Variants in GABBR2 observed in about 807,000 individuals in gnomAD.
The protein encoded by GABBR2 is G-protein coupled receptor 51.
In GABBR2, 23 loss-of-function variants were observed where a neutral mutation model predicts 105.6. That is an observed-to-expected ratio of 0.22 (90% CI 0.16 to 0.31). The LOEUF (loss-of-function observed/expected upper bound fraction) is 0.31. Ranked by LOEUF, GABBR2 falls within the 10% of genes least tolerant of loss-of-function variation. The pLI, the probability that GABBR2 is intolerant of heterozygous loss-of-function variation, is 1.00. For missense variants in GABBR2, 734 were observed against 1,245.5 expected, an observed-to-expected ratio of 0.59 and a Z score of 6.18; for synonymous variants, 478 against 499.7, an observed-to-expected ratio of 0.96 and a Z score of 0.58.
chr9:98,622,814 T>A (rs1829687569), intron 1 of GABBR2, among the ~76,000 whole-genome samples: 3 of 152,210 alleles, frequency 2.0e-5, no homozygotes, highest in Admixed American at 2.0e-4. Context: ...CACTGCAAAC[T>A]TAGTGGCTTC....
At position 98,388,189 on chromosome 9, in the gene GABBR2, C is replaced by T. The variant is rs1795097299; in HGVS notation, c.1529+665G>A. Among the ~76,000 whole-genome samples, 1 of 152,244 alleles carries T rather than the reference C, an allele frequency of 6.6e-6. No individual in the cohort carries two copies. The highest frequency in any genetic ancestry group is 2.4e-5 in the African/African-American group (1 of 41,464). ...CAGAATAACTCAGTCAGCCTCTCTC[C>T]TCTGGAGAATTAAGGGCACGTGGTG... On this transcript the variant is annotated intron_variant, in intron 10 of 18. Coordinates refer to ENST00000259455, the MANE Select transcript of GABBR2 (RefSeq NM_005458.8). This position sits in a 1 kb window ranked among gnomAD's most constrained non-coding sequence, Gnocchi z 4.4.
intron 7 of GABBR2, among the ~76,000 whole-genome samples, chr9:98,447,150 C>A (rs943179916): frequency 3.5e-5 from 4 of 113,088 alleles, no homozygotes; most frequent in African/African-American, 1.3e-4. Context: ...CAAGCTCCGC[C>A]TCCCGGGTTC....
chr9:98,566,107 C>T (rs1008511865), intron 2 of GABBR2, among the ~76,000 whole-genome samples: 3 of 152,192 alleles, frequency 2.0e-5, no homozygotes, highest in Non-Finnish European at 4.4e-5. Flanking sequence ...AGAAGCAGGA[C>T]GAGAGCTGGC....
At chr9:98,373,557 G>C (rs1281258677) in intron 11 of GABBR2, among the ~76,000 whole-genome samples, 1 of 152,140 alleles carries the variant, frequency 6.6e-6, no homozygotes, top group Non-Finnish European at 1.5e-5. Flanking sequence ...CCTAGGAGCC[G>C]GATGTCAAAG....
At chr9:98,663,925 T>C (rs1462781095) in intron 1 of GABBR2, among the ~76,000 whole-genome samples, 1 of 152,188 alleles carries the variant, frequency 6.6e-6, no homozygotes, top group African/African-American at 2.4e-5. Flanking sequence ...GTTGATACTG[T>C]ACCCAGGGAC....
intron 1 of GABBR2, chr9:98,608,228 T>G: frequency 1.3e-6 from 1 of 748,860 alleles, no homozygotes; most frequent in South Asian, 1.7e-5. Context: ...GAGCCAGTTT[T>G]ATCTATAATG....
chr9:98,592,933 C>G (rs1343221766), intron 1 of GABBR2, among the ~76,000 whole-genome samples: 1 of 152,062 alleles, frequency 6.6e-6, no homozygotes, highest in African/African-American at 2.4e-5. Flanking sequence ...ATTTTTCAGT[C>G]CATAGGGAGT....
chr9:98,458,444 C>T (rs1826363766), intron 6 of GABBR2, among the ~76,000 whole-genome samples: 1 of 152,204 alleles, frequency 6.6e-6, no homozygotes, highest in Non-Finnish European at 1.5e-5. Flanking sequence ...TGTCCCACGC[C>T]TATAATCTCA....
In GABBR2 at chr9:98,651,528, G is replaced by A. The variant is rs186781371; in HGVS notation, c.321+56889C>T. Among the ~76,000 whole-genome samples, 29 of 152,148 alleles carry A rather than the reference G, an allele frequency of 1.9e-4. 1 individual carries two copies. The highest frequency in any genetic ancestry group is 1.2e-3 in the Admixed American group (19 of 15,278). On this transcript the variant is annotated intron_variant, in intron 1 of 18. Coordinates refer to ENST00000259455, the MANE Select transcript of GABBR2 (RefSeq NM_005458.8). ...TAGCTCACTGTAACCTCAAACTCTC[G>A]AACTCAAGCAATCCTCCTGTCCCAG...
At chr9:98,531,447 T>A (rs1828066023) in intron 3 of GABBR2, among the ~76,000 whole-genome samples, 1 of 152,210 alleles carries the variant, frequency 6.6e-6, no homozygotes, top group Non-Finnish European at 1.5e-5. Context: ...CTGAGCCAGA[T>A]AAAGGCATCC....
intron 1 of GABBR2, among the ~76,000 whole-genome samples, chr9:98,588,147 C>T (rs1829101182): frequency 6.6e-6 from 1 of 152,170 alleles, no homozygotes; most frequent in African/African-American, 2.4e-5. Flanking sequence ...TGAAGTTTCC[C>T]TCTTTCTGTT....
intron 1 of GABBR2, chr9:98,607,553 T>C: frequency 1.5e-6 from 1 of 647,778 alleles, no homozygotes; most frequent in Non-Finnish European, 2.8e-6. Context: ...AAGGACCATT[T>C]ACCTGTTGGT....
chr9:98,666,017 A>T (rs1830328677), intron 1 of GABBR2, among the ~76,000 whole-genome samples: 2 of 152,228 alleles, frequency 1.3e-5, no homozygotes. Flanking sequence ...TTGATCCACT[A>T]ACGCAGATCC....
At chr9:98,598,751 T>G (rs1182717650) in intron 1 of GABBR2, among the ~76,000 whole-genome samples, 1 of 152,070 alleles carries the variant, frequency 6.6e-6, no homozygotes, top group East Asian at 1.9e-4. Flanking sequence ...GGCAGACACT[T>G]GGACCTAAAA....
At chr9:98,292,949 A>G (rs956314351) in intron 18 of GABBR2, among the ~76,000 whole-genome samples, 4 of 152,228 alleles carry the variant, frequency 2.6e-5, no homozygotes, top group African/African-American at 9.6e-5. Context: ...AATTCCATGT[A>G]ACTCTCACTC....
intron 7 of GABBR2, among the ~76,000 whole-genome samples, chr9:98,445,362 AAGG>A (rs1826108108): frequency 6.6e-6 from 1 of 152,238 alleles, no homozygotes; most frequent in African/African-American, 2.4e-5. Flanking sequence ...GGGGGTAGGT[AAGG>A]AGGACCATTG....
chr9:98,325,393 G>A (rs1314514075), intron 13 of GABBR2, among the ~76,000 whole-genome samples: 4 of 141,216 alleles, frequency 2.8e-5, no homozygotes, highest in Non-Finnish European at 4.5e-5. Context: ...CTAGGTTCAA[G>A]TAATTCTTCT....
chr9:98,660,535 T>C (rs1274245214), intron 1 of GABBR2, among the ~76,000 whole-genome samples: 3 of 152,366 alleles, frequency 2.0e-5, no homozygotes, highest in Non-Finnish European at 4.4e-5. Context: ...GTGAGTTTCC[T>C]ACGGAGTCTG....
At chr9:98,459,962 A>G (rs1826394654) in intron 6 of GABBR2, among the ~76,000 whole-genome samples, 1 of 152,242 alleles carries the variant, frequency 6.6e-6, no homozygotes, top group African/African-American at 2.4e-5. Flanking sequence ...TACACAACAC[A>G]TTTAATTAAA....
Sources: allele counts gnomAD v4.1 joint callset (sites outside exome capture counted in the v4.1 genomes callset), GRCh38; gene constraint gnomAD v4.1.1; non-coding constraint Gnocchi (gnomAD v3.1); transcripts MANE v1.5; gene names NCBI Gene and HGNC (gene_info 2026-07-23, HGNC 2026-07-21).